Variants in BCLAF3 observed in about 807,000 individuals in gnomAD.
BCLAF3 encodes the protein transient octamer binding factor 1.
A neutral mutation model predicts 51.2 loss-of-function variants in BCLAF3; 24 were observed. The ratio of observed to expected loss-of-function variants is 0.47; its 90% confidence interval spans 0.34 to 0.66. The LOEUF (loss-of-function observed/expected upper bound fraction) is 0.66, where lower values mean the gene tolerates loss of function less well. Among genes scored for constraint, BCLAF3 ranks in the 30% least tolerant of loss-of-function variants. BCLAF3 has a pLI of 0.01. For missense variants in BCLAF3, 465 were observed against 525.1 expected (o/e 0.89, Z 1.12); for synonymous variants, 152 against 176.6 (o/e 0.86, Z 1.10).
At chrX:19,946,973 T>C (rs920507586) in intron 8 of BCLAF3, among the ~76,000 whole-genome samples, 1 of 112,544 alleles carries the variant, frequency 8.9e-6, no homozygotes, top group Non-Finnish European at 1.9e-5. Context: ...ATCACTCCAC[T>C]GACATGTATT....
chrX:19,921,394 A>G (rs1255951320), intron 11 of BCLAF3, among the ~76,000 whole-genome samples: 1 of 112,424 alleles, frequency 8.9e-6, no homozygotes, highest in Non-Finnish European at 1.9e-5. Context: ...ACAGTGTTAA[A>G]AAACTATTTA....
chrX:19,936,433 G>C (rs1294630037), intron 9 of BCLAF3, among the ~76,000 whole-genome samples: 1 of 111,774 alleles, frequency 8.9e-6, no homozygotes, highest in Non-Finnish European at 1.9e-5. Context: ...TCCTCTGGTG[G>C]AGACAGAAAA....
chrX:19,939,174 T>C (rs1448458739), intron 8 of BCLAF3, among the ~76,000 whole-genome samples: 2 of 112,357 alleles, frequency 1.8e-5, no homozygotes, highest in Admixed American at 1.9e-4. Context: ...AATATACACA[T>C]ATGTGCCCAG....
chrX:19,982,936 C>A (rs1429935972), intron 1 of BCLAF3, among the ~76,000 whole-genome samples: 1 of 104,750 alleles, frequency 9.5e-6, no homozygotes, highest in Non-Finnish European at 1.9e-5. Flanking sequence ...ATATCTAAAC[C>A]AAAGTGATTC....
At chrX:19,950,723 A>G (rs374931657) in intron 8 of BCLAF3, 30 bp downstream of exon 8, 59 of 1,050,306 alleles carry the variant, frequency 5.6e-5, no homozygotes, top group Non-Finnish European at 7.5e-5. Flanking sequence ...AAGCTCCCTG[A>G]TAACAGGATG....
chrX:19,919,340 T>A (rs1241787918), intron 11 of BCLAF3, among the ~76,000 whole-genome samples: 1 of 111,396 alleles, frequency 9.0e-6, no homozygotes, highest in Non-Finnish European at 1.9e-5. Flanking sequence ...AATATGATTG[T>A]TTGCAACCAG....
At chrX:19,974,881 C>CA (rs2072373372) in intron 1 of BCLAF3, among the ~76,000 whole-genome samples, 1 of 110,120 alleles carries the variant, frequency 9.1e-6, no homozygotes, top group Admixed American at 9.7e-5. Context: ...GACTGCATCT[C>CA]AAAAAAATAA....
rs913526237 is a variant in BCLAF3, at chrX:19,925,073, C to T, written c.2106+4712G>A. Reference sequence around the variant, plus strand: ...TACATGATGAATGAGGAAGAATTTCCGTTCTGTACTTTTCTACTACTGCTT... The same window carrying T: ...TACATGATGAATGAGGAAGAATTTCTGTTCTGTACTTTTCTACTACTGCTT... On this transcript the variant is annotated intron_variant, in intron 11 of 11. Coordinates refer to ENST00000379682, the MANE Select transcript of BCLAF3 (RefSeq NM_001367774.2). Among the ~76,000 whole-genome samples the T allele has an allele frequency of 3.6e-5, 4 of 111,558 alleles. No individual in the cohort carries two copies. In the East Asian group the frequency reaches 1.1e-3, roughly 31 times the overall value.
chrX:19,974,487 T>C (rs1364765833), intron 1 of BCLAF3, among the ~76,000 whole-genome samples: 1 of 112,100 alleles, frequency 8.9e-6, no homozygotes, highest in East Asian at 2.8e-4. Flanking sequence ...TGGACATCAC[T>C]TGGGAGAAAA....
At chrX:19,988,401 G>A (rs1003872214) in intron 1 of BCLAF3, among the ~76,000 whole-genome samples, 9 of 111,770 alleles carry the variant, frequency 8.1e-5, no homozygotes, top group Admixed American at 2.9e-4. Flanking sequence ...TCAGAGAATA[G>A]CCTTTTGAAT....
chrX:19,982,772 C>A (rs1001539668), intron 1 of BCLAF3, among the ~76,000 whole-genome samples: 2 of 110,375 alleles, frequency 1.8e-5, no homozygotes, highest in Admixed American at 9.7e-5. Context: ...GCAAAGATAA[C>A]AAATACACAT....
intron 1 of BCLAF3, among the ~76,000 whole-genome samples, chrX:19,983,782 T>C (rs745963489): frequency 2.0e-5 from 2 of 98,364 alleles, no homozygotes; most frequent in Admixed American, 2.2e-4. Context: ...AAAAGGAGAG[T>C]AGGCAGCTGG....
intron 8 of BCLAF3, among the ~76,000 whole-genome samples, chrX:19,949,998 C>G (rs1177713781): frequency 9.0e-6 from 1 of 111,487 alleles, no homozygotes; most frequent in Non-Finnish European, 1.9e-5. Context: ...CTAAGAGCCC[C>G]TAAACAGAAG....
chrX:19,982,749 G>A (rs2072658691), intron 1 of BCLAF3, among the ~76,000 whole-genome samples: 1 of 110,320 alleles, frequency 9.1e-6, no homozygotes, highest in East Asian at 2.8e-4. Flanking sequence ...TATCTACCTC[G>A]CATAGAGAAA....
chrX:19,962,075 T>C (rs2071875567), intron 4 of BCLAF3, among the ~76,000 whole-genome samples: 1 of 112,859 alleles, frequency 8.9e-6, no homozygotes, highest in Non-Finnish European at 1.9e-5. Context: ...AATAAAACTC[T>C]TCAAAACTGG....
intron 11 of BCLAF3, chrX:19,923,437 C>T (rs2147689346): frequency 6.3e-6 from 1 of 157,934 alleles, no homozygotes. Context: ...TGGGGGAGGA[C>T]AGCAAGTCTG....
Position 19,928,807 on chromosome X carries a change from T to C in BCLAF3, c.2106+978A>G, listed in dbSNP as rs971814110. On this transcript the variant is annotated intron_variant, in intron 11 of 11. Transcript: ENST00000379682. ...TTAATCTGAAGGATATTATGTTAAG[T>C]GAAATAAGCCAGGTACACAAAGACA... Among the ~76,000 whole-genome samples, 7 of 110,907 alleles carry C rather than the reference T, an allele frequency of 6.3e-5. No individual in the cohort carries two copies. The East Asian group carries it at 2.0e-3, about 31-fold the overall frequency.
intron 1 of BCLAF3, among the ~76,000 whole-genome samples, chrX:19,989,218 G>A (rs186020119): frequency 2.0e-3 from 221 of 111,111 alleles, no homozygotes; most frequent in Middle Eastern, 9.2e-3. Context: ...ATCATGGGCC[G>A]GGCGCGGTGG....
intron 1 of BCLAF3, among the ~76,000 whole-genome samples, chrX:19,988,054 T>C (rs754774271): frequency 8.9e-5 from 10 of 112,164 alleles, no homozygotes; most frequent in Non-Finnish European, 1.3e-4. Context: ...GGCTTTAGCA[T>C]ACTTGAGAAT....
Sources: allele counts gnomAD v4.1 joint callset (sites outside exome capture counted in the v4.1 genomes callset), GRCh38; gene constraint gnomAD v4.1.1; transcripts MANE v1.5; gene names NCBI Gene and HGNC (gene_info 2026-07-23, HGNC 2026-07-21).